PPP1R36: variants seen among roughly 807,000 people sequenced by gnomAD.
PPP1R36 encodes the protein protein phosphatase 1 regulatory subunit 36, also known as chromosome 14 open reading frame 50.
Under a neutral mutation model 53.4 loss-of-function variants are expected in PPP1R36, and 47 were observed. That is an observed-to-expected ratio of 0.88 (90% CI 0.70 to 1.12). PPP1R36 has a LOEUF of 1.12. Among genes scored for constraint, PPP1R36 ranks in the 50% most tolerant of loss-of-function variants. The pLI is 0.00. For synonymous variants in PPP1R36, 153 were observed against 170.5 expected, an observed-to-expected ratio of 0.90 and a Z score of 0.80; for missense variants, 456 against 513.9, an observed-to-expected ratio of 0.89 and a Z score of 1.09.
At chr14:64,568,785 C>A (rs2080280648) in intron 7 of PPP1R36, among the ~76,000 whole-genome samples, 2 of 152,000 alleles carry the variant, frequency 1.3e-5, no homozygotes, top group African/African-American at 4.8e-5. Flanking sequence ...CCCAGTGATG[C>A]AAAAAATATT....
intron 2 of PPP1R36, among the ~76,000 whole-genome samples, chr14:64,552,318 A>G (rs1001306374): frequency 6.6e-6 from 1 of 151,956 alleles, no homozygotes; most frequent in Non-Finnish European, 1.5e-5. Context: ...GTGAAATCCT[A>G]TCTCTAATAA....
In PPP1R36 at chr14:64,556,768, G is replaced by GTGTGTGTGTA. The variant is rs1454408334; in HGVS notation, c.182+3916_182+3917insATGTGTGTGT. Among the ~76,000 whole-genome samples the GTGTGTGTGTA allele has an allele frequency of 2.6e-4, 39 of 148,478 alleles. 1 individual carries two copies. Among genetic ancestry groups the GTGTGTGTGTA allele is most frequent in the Admixed American group, 7.4e-4 (11 of 14,886 alleles). On this transcript the variant is annotated intron_variant, in intron 3 of 11. Transcript: ENST00000298705. ...GAGACCCAATCTCCAAAAAATGTGT[G>GTGTGTGTGTA]TGTGTGTGTGTGTGTGTGTGTGTGT...
intron 7 of PPP1R36, among the ~76,000 whole-genome samples, chr14:64,573,400 G>A (rs567562749): frequency 1.3e-5 from 2 of 152,248 alleles, no homozygotes; most frequent in East Asian, 3.9e-4. Flanking sequence ...TGGAGAGTTG[G>A]TCCTTGTTCA....
chr14:64,573,281 T>G (rs547584123), intron 7 of PPP1R36, among the ~76,000 whole-genome samples: 5 of 152,336 alleles, frequency 3.3e-5, no homozygotes, highest in African/African-American at 9.6e-5. Flanking sequence ...GCAATTCAAT[T>G]GGAACTGCAG....
chr14:64,565,237 C>A, intron 4 of PPP1R36, 120 bp from the exon 5 acceptor site: 2 of 646,198 alleles, frequency 3.1e-6, no homozygotes, highest in Non-Finnish European at 5.3e-6. Flanking sequence ...TCAAACAAAA[C>A]CCATGTATGA....
intron 4 of PPP1R36, among the ~76,000 whole-genome samples, 172 bp from the exon 5 acceptor site, chr14:64,565,184 TA>T (rs1566651954): frequency 6.6e-6 from 1 of 152,208 alleles, no homozygotes; most frequent in Non-Finnish European, 1.5e-5. Flanking sequence ...CTTAATATAG[TA>T]AATAAAATGT....
At chr14:64,551,041 G>A (rs775140368) in intron 2 of PPP1R36, 56 bp downstream of exon 2, 68 of 1,182,598 alleles carry the variant, frequency 5.8e-5, no homozygotes, top group Non-Finnish European at 8.1e-5. Context: ...GTGCCTGGGG[G>A]AAAAAAAAGC....
intron 3 of PPP1R36, among the ~76,000 whole-genome samples, chr14:64,556,888 C>T (rs1463220494): frequency 1.3e-5 from 2 of 151,840 alleles, no homozygotes; most frequent in African/African-American, 2.4e-5. Flanking sequence ...GATCTTAGCT[C>T]GGTGCAGCCT....
intron 10 of PPP1R36, 151 bp downstream of exon 10, chr14:64,587,523 C>T: frequency 2.2e-6 from 1 of 457,888 alleles, no homozygotes; most frequent in Non-Finnish European, 3.4e-6. Flanking sequence ...TGCAGTGGCA[C>T]AAGCTTGGCT....
Position 64,550,002 on chromosome 14 carries a change from A to G in PPP1R36, c.5A>G (p.Tyr2Cys), listed in dbSNP as rs147817006. The change falls in exon 1 of 12, where the codon TAC becomes TGC. Residue 2 changes from tyrosine (Y) to cysteine (C), a missense_variant. Transcript: ENST00000298705. Reference sequence around the variant, plus strand: ...TATGGCTTCCAGGGCGAGGCCATGTACCGGGTGCCCGAGTTTTATGCGAGG... The same window carrying G: ...TATGGCTTCCAGGGCGAGGCCATGTGCCGGGTGCCCGAGTTTTATGCGAGG... The part of the protein sequence containing the change: M[Y>C]RVPEFYARRK... 1.3e-4 allele frequency: 197 copies of G among 1,569,760 alleles called. No homozygotes were observed. Among genetic ancestry groups the G allele is most frequent in the Admixed American group, 3.2e-4 (17 of 53,784 alleles).
chr14:64,550,067 G>A lies in PPP1R36; in HGVS notation c.69+1G>A, dbSNP rs753675372. 3 of 1,560,258 alleles carry A rather than the reference G, an allele frequency of 1.9e-6. No homozygotes were observed. The highest frequency in any genetic ancestry group is 1.2e-5 in the South Asian group (1 of 84,650). On this transcript the variant is annotated splice_donor_variant, in intron 1 of 11. Transcript: ENST00000298705. LOFTEE classifies it high-confidence loss of function. ...TGGGCAGACCCCTTACTTGATGGAT[G>A]TAAGTGCAGCCTTGGTCGCCCCCAT...
At chr14:64,560,681 CA>C (rs2080199555) in intron 3 of PPP1R36, among the ~76,000 whole-genome samples, 1 of 152,078 alleles carries the variant, frequency 6.6e-6, no homozygotes, top group Non-Finnish European at 1.5e-5. Flanking sequence ...CACCATTTTC[CA>C]GCGTGAGCAC....
At chr14:64,553,158 T>G (rs951218436) in intron 3 of PPP1R36, among the ~76,000 whole-genome samples, 1 of 152,128 alleles carries the variant, frequency 6.6e-6, no homozygotes, top group Non-Finnish European at 1.5e-5. Flanking sequence ...TTTCACCATG[T>G]TGCCCAGGCT....
At chr14:64,578,419 T>C (rs1204790633) in intron 8 of PPP1R36, among the ~76,000 whole-genome samples, 2 of 152,194 alleles carry the variant, frequency 1.3e-5, no homozygotes, top group Admixed American at 1.3e-4. Context: ...GAGAGTAGAC[T>C]AGAACTTTAA....
chr14:64,586,973 C>T (rs2080438496), intron 9 of PPP1R36, 94 bp downstream of exon 9: 2 of 1,072,926 alleles, frequency 1.9e-6, no homozygotes, highest in East Asian at 2.4e-5. Flanking sequence ...AGTGAATATC[C>T]TTTCTAAAAG....
chr14:64,586,898 G>T lies in PPP1R36; in HGVS notation c.711+19G>T, dbSNP rs746566018. 1 of 1,602,412 alleles carries T rather than the reference G, an allele frequency of 6.2e-7. No homozygotes were observed. Among genetic ancestry groups the T allele is most frequent in the Non-Finnish European group, 8.5e-7 (1 of 1,170,522 alleles). Reference sequence around the variant, plus strand: ...CTTTGAGGTGAGTCACTTATGTTTTGGTGCTTTTTGATATGAAACAATATA... The same window carrying T: ...CTTTGAGGTGAGTCACTTATGTTTTTGTGCTTTTTGATATGAAACAATATA... On this transcript the variant is annotated intron_variant, in intron 9 of 11. Coordinates refer to ENST00000298705, the MANE Select transcript of PPP1R36 (RefSeq NM_172365.3).
chr14:64,565,304 A>G, intron 4 of PPP1R36, 53 bp from the exon 5 acceptor site: 1 of 1,286,118 alleles, frequency 7.8e-7, no homozygotes, highest in South Asian at 1.3e-5. Flanking sequence ...GATAGATTAA[A>G]TACAACTAAA....
At chr14:64,581,662 G>A (rs1267780349) in intron 8 of PPP1R36, among the ~76,000 whole-genome samples, 1 of 151,764 alleles carries the variant, frequency 6.6e-6, no homozygotes. Flanking sequence ...CTAAGTGTGG[G>A]GGGTGGTCCC....
intron 3 of PPP1R36, among the ~76,000 whole-genome samples, chr14:64,560,104 A>AC (rs1491373361): frequency 3.5e-5 from 2 of 57,966 alleles, no homozygotes; most frequent in African/African-American, 6.4e-5. Flanking sequence ...AATCTGTCAC[A>AC]AAAAAAAAAA....
Sources: allele counts gnomAD v4.1 joint callset (sites outside exome capture counted in the v4.1 genomes callset), GRCh38; gene constraint gnomAD v4.1.1; transcripts MANE v1.5; gene names NCBI Gene and HGNC (gene_info 2026-07-23, HGNC 2026-07-21).